Variants in CREB5 observed in about 807,000 individuals in gnomAD.
The protein encoded by CREB5 is cAMP responsive element binding protein 5.
A neutral mutation model predicts 57.1 loss-of-function variants in CREB5; 19 were observed. The observed-to-expected ratio is 0.33, with a 90% CI of 0.23 to 0.49. CREB5 has a LOEUF of 0.49. Among genes scored for constraint, CREB5 ranks in the 20% least tolerant of loss-of-function variants. CREB5 has a pLI of 0.99. For synonymous variants in CREB5, 238 were observed against 238.3 expected, an observed-to-expected ratio of 1.00 and a Z score of 0.01; for missense variants, 579 against 671.6, an observed-to-expected ratio of 0.86 and a Z score of 1.52.
chr7:28,447,862 C>T (rs768043911), intron 1 of CREB5, among the ~76,000 whole-genome samples: 2 of 152,024 alleles, frequency 1.3e-5, no homozygotes, highest in Non-Finnish European at 2.9e-5. Flanking sequence ...TTATTAAGAT[C>T]GAAATCCACT....
chr7:28,304,093 T>C (rs948155341), intron 1 of CREB5, among the ~76,000 whole-genome samples: 2 of 152,174 alleles, frequency 1.3e-5, no homozygotes, highest in African/African-American at 4.8e-5. Context: ...ATAGCAAGAA[T>C]AAACATAAGG....
chr7:28,350,561 GA>G (rs927659273), intron 1 of CREB5, among the ~76,000 whole-genome samples: 7 of 148,138 alleles, frequency 4.7e-5, no homozygotes, highest in South Asian at 2.2e-4. Context: ...TGTTGAGATG[GA>G]AAAAAAAACA....
chr7:28,409,926 G>C, upstream of CREB5: 1 of 454,298 alleles, frequency 2.2e-6, no homozygotes, highest in South Asian at 1.6e-5. This position sits in a 1 kb window ranked among gnomAD's most constrained non-coding sequence, Gnocchi z 4.4. Flanking sequence ...CCCTCCAGAA[G>C]TGCGGTCAAG....
intron 5 of CREB5, among the ~76,000 whole-genome samples, chr7:28,717,970 A>T (rs538714380): frequency 6.6e-6 from 1 of 152,230 alleles, no homozygotes; most frequent in Admixed American, 6.5e-5. Context: ...TGGCTCATTA[A>T]ATCAATTTAA....
chr7:28,356,975 C>T (rs1006112602), intron 1 of CREB5, among the ~76,000 whole-genome samples: 3 of 152,032 alleles, frequency 2.0e-5, no homozygotes, highest in African/African-American at 4.8e-5. Flanking sequence ...CTCTACCACA[C>T]GTGATTATAT....
intron 1 of CREB5, among the ~76,000 whole-genome samples, chr7:28,317,282 G>A (rs1003462397): frequency 6.6e-6 from 1 of 152,166 alleles, no homozygotes; most frequent in African/African-American, 2.4e-5. Context: ...TGAAACCAGG[G>A]TGGGCACCAG....
chr7:28,465,258 G>T (rs1486912338), intron 1 of CREB5, among the ~76,000 whole-genome samples: 1 of 152,194 alleles, frequency 6.6e-6, no homozygotes, highest in Non-Finnish European at 1.5e-5. Context: ...TCAAACTTAA[G>T]TCTAGGCTTG....
At chr7:28,763,810 A>ATTATTT (rs1554297050) in intron 7 of CREB5, among the ~76,000 whole-genome samples, 22 of 149,032 alleles carry the variant, frequency 1.5e-4, no homozygotes, top group Admixed American at 1.1e-3. Flanking sequence ...TATTATTATT[A>ATTATTT]TTTTTTTTTG....
At chr7:28,636,563 T>C (rs1798425393) in intron 5 of CREB5, among the ~76,000 whole-genome samples, 1 of 152,222 alleles carries the variant, frequency 6.6e-6, no homozygotes, top group Non-Finnish European at 1.5e-5. Flanking sequence ...TTCCCTTTCC[T>C]ACACTGTAAA....
chr7:28,330,662 C>T (rs2127986517), intron 1 of CREB5, among the ~76,000 whole-genome samples: 1 of 151,344 alleles, frequency 6.6e-6, no homozygotes, highest in South Asian at 2.1e-4. Context: ...AACTGAGTCT[C>T]CCAGCTGAAG....
At chr7:28,554,286 A>G (rs1196154786) in intron 4 of CREB5, among the ~76,000 whole-genome samples, 2 of 152,158 alleles carry the variant, frequency 1.3e-5, no homozygotes, top group Non-Finnish European at 2.9e-5. Context: ...TTCTCTGTCA[A>G]GTCAGGGAGT....
intron 4 of CREB5, among the ~76,000 whole-genome samples, chr7:28,560,136 T>C (rs1795021169): frequency 6.6e-6 from 1 of 152,230 alleles, no homozygotes; most frequent in South Asian, 2.1e-4. Flanking sequence ...AGGTACATGA[T>C]CCTCATTTTG....
At chr7:28,701,358 G>A (rs1304883445) in intron 5 of CREB5, among the ~76,000 whole-genome samples, 1 of 152,156 alleles carries the variant, frequency 6.6e-6, no homozygotes. Flanking sequence ...TAACTCATTT[G>A]TAAATGGGCC....
intron 1 of CREB5, among the ~76,000 whole-genome samples, chr7:28,303,759 T>G (rs1715467757): frequency 6.6e-6 from 1 of 152,208 alleles, no homozygotes; most frequent in South Asian, 2.1e-4. Flanking sequence ...TACATACATA[T>G]TTAACTTAAT....
intron 7 of CREB5, among the ~76,000 whole-genome samples, chr7:28,727,597 C>T (rs35875085): frequency 0.59 from 89,205 of 151,840 alleles, 26,626 homozygotes; most frequent in Admixed American, 0.68. Flanking sequence ...TTATGGGAAT[C>T]AGACCAATTC....
At chr7:28,429,496 C>G (rs1011512999) in intron 1 of CREB5, among the ~76,000 whole-genome samples, 3 of 152,158 alleles carry the variant, frequency 2.0e-5, no homozygotes, top group Non-Finnish European at 2.9e-5. Context: ...ACACTTGATG[C>G]GTCGCACCTC....
intron 1 of CREB5, among the ~76,000 whole-genome samples, chr7:28,416,703 G>A (rs770190269): frequency 6.6e-6 from 1 of 152,192 alleles, no homozygotes; most frequent in East Asian, 1.9e-4. Context: ...TGTGTCGAAG[G>A]TGACTGTCAG....
At chr7:28,420,211 G>T (rs1788187220) in intron 1 of CREB5, among the ~76,000 whole-genome samples, 1 of 152,068 alleles carries the variant, frequency 6.6e-6, no homozygotes, top group South Asian at 2.1e-4. Flanking sequence ...AGACAGACAG[G>T]TTGAGTCTTT....
At chr7:28,657,548 G>C (rs928852489) in intron 5 of CREB5, among the ~76,000 whole-genome samples, 2 of 151,860 alleles carry the variant, frequency 1.3e-5, no homozygotes, top group Non-Finnish European at 2.9e-5. Flanking sequence ...GGCCAATATA[G>C]TGAAACCCCG....
Sources: allele counts gnomAD v4.1 joint callset (sites outside exome capture counted in the v4.1 genomes callset), GRCh38; gene constraint gnomAD v4.1.1; non-coding constraint Gnocchi (gnomAD v3.1); transcripts MANE v1.5; gene names NCBI Gene and HGNC (gene_info 2026-07-23, HGNC 2026-07-21).